The following BRWD3 variants were observed in gnomAD, a reference collection of about 807,000 sequenced individuals.
BRWD3 encodes bromodomain and WD repeat-containing protein 3.
A neutral mutation model predicts 149.7 loss-of-function variants in BRWD3; 10 were observed. The ratio of observed to expected loss-of-function variants is 0.07; its 90% CI spans 0.04 to 0.11. BRWD3 has a LOEUF of 0.11. Among genes scored for constraint, BRWD3 ranks in the 10% least tolerant of loss-of-function variants. The pLI is 1.00. For synonymous variants in BRWD3, 504 were observed against 456.7 expected (o/e 1.10, Z -1.32); for missense variants, 940 against 1,373.2 (o/e 0.68, Z 4.99).
chrX:80,722,140 G>A (rs758121711), intron 17 of BRWD3, among the ~76,000 whole-genome samples: 2 of 111,981 alleles, frequency 1.8e-5, no homozygotes, highest in Non-Finnish European at 3.8e-5. Flanking sequence ...GAGCCACCGC[G>A]CCTGGCCAGT....
intron 6 of BRWD3, among the ~76,000 whole-genome samples, chrX:80,752,879 G>A (rs2073687269): frequency 9.0e-6 from 1 of 111,473 alleles, no homozygotes; most frequent in African/African-American, 3.3e-5. Flanking sequence ...TGGCCAGGCT[G>A]GTCTCAAACT....
In BRWD3 at chrX:80,725,147, T is replaced by C. The variant is rs2073199196; in HGVS notation, c.1387-80A>G. 4.0e-6 allele frequency: 4 copies of C among 988,845 alleles called. No individual in the cohort carries two copies. The South Asian group carries it at 5.9e-5, about 15-fold the overall frequency. The allele number at this position is 988,845 out of a possible 1,213,427, so 81.5% of individuals were successfully genotyped here. ...TGGTAAAAAGGTCTTCAGTGTGCTA[T>C]CAGTTAGGTTCAAATGAATTTATGC... On this transcript the variant is annotated intron_variant, in intron 14 of 40. Transcript: ENST00000373275.
chrX:80,746,454 A>C (rs968688200), intron 6 of BRWD3, among the ~76,000 whole-genome samples: 3 of 110,584 alleles, frequency 2.7e-5, no homozygotes, highest in African/African-American at 9.9e-5. Flanking sequence ...ATAACATAGC[A>C]TAAGTCTACA....
In BRWD3 at chrX:80,716,224, T is replaced by G. The variant is rs763096478; in HGVS notation, c.2258A>C (p.Lys753Thr). 1 of 1,209,717 alleles carries G rather than the reference T, an allele frequency of 8.3e-7. No individual in the cohort carries two copies. Among genetic ancestry groups the G allele is most frequent in the Non-Finnish European group, 1.1e-6 (1 of 893,916 alleles). Residue 753 changes from lysine to threonine, a missense_variant, in exon 20 of 41, where the codon AAA (lysine) becomes ACA (threonine). By Grantham distance (78) the Lys-to-Thr change is moderately conservative. This residue lies in a region of BRWD3 where 103 missense variants were observed against 103.2 expected (regional missense o/e 1.00). Coordinates refer to ENST00000373275, the MANE Select transcript of BRWD3 (RefSeq NM_153252.5). ...ATAAAGACTGATTTCTATGTCACCT[T>G]TTGCAGTTCGACATTCTTCCTGTAC... ...SRVQEECRTA[K>T]GDIEISLYTV...
intron 8 of BRWD3, among the ~76,000 whole-genome samples, chrX:80,741,418 T>C (rs1036105039): frequency 9.0e-6 from 1 of 111,506 alleles, no homozygotes; most frequent in Non-Finnish European, 1.9e-5. Context: ...CCTTTGGGTA[T>C]ATACCCAGTA....
chrX:80,809,536 G>A lies in BRWD3; in HGVS notation c.-65C>T. On this transcript the variant is annotated 5_prime_UTR_variant, in exon 1 of 41. Coordinates refer to ENST00000373275, the MANE Select transcript of BRWD3 (RefSeq NM_153252.5). The stretch of plus-strand genomic sequence containing the variant: ...GCTGGCGGGGGCGGGTGGGGGCGCT[G>A]CCTCTATTGTGGTGAAGCCCCCATG... 3 of 699,427 alleles carry A rather than the reference G, an allele frequency of 4.3e-6. No homozygotes were observed. Among genetic ancestry groups the A allele is most frequent in the Non-Finnish European group, 6.4e-6 (3 of 466,543 alleles). The allele number at this position is 699,427 out of a possible 1,213,427, so 57.6% of individuals were successfully genotyped here.
chrX:80,756,008 T>G (rs1163096043), intron 6 of BRWD3, among the ~76,000 whole-genome samples: 4 of 111,856 alleles, frequency 3.6e-5, no homozygotes, highest in African/African-American at 1.3e-4. Flanking sequence ...AAAATACATT[T>G]TTATCTTAAA....
chrX:80,720,029 A>T (rs1036975741), intron 17 of BRWD3, among the ~76,000 whole-genome samples: 2 of 112,053 alleles, frequency 1.8e-5, no homozygotes, highest in African/African-American at 6.5e-5. Flanking sequence ...TGCAGTACTC[A>T]CGTTTGTGGT....
chrX:80,752,009 A>ATTATTT (rs1328431967), intron 6 of BRWD3, among the ~76,000 whole-genome samples: 17 of 101,658 alleles, frequency 1.7e-4, no homozygotes, highest in African/African-American at 5.7e-4. Context: ...TATTATTATT[A>ATTATTT]TTATTATTAT....
chrX:80,789,110 C>CT (rs767611442), intron 6 of BRWD3, among the ~76,000 whole-genome samples: 1 of 112,061 alleles, frequency 8.9e-6, no homozygotes, highest in Non-Finnish European at 1.9e-5. Context: ...GGCTAATACT[C>CT]TATCTTTGGA....
intron 8 of BRWD3, among the ~76,000 whole-genome samples, chrX:80,740,623 C>G (rs925393454): frequency 2.7e-5 from 3 of 111,650 alleles, no homozygotes. Flanking sequence ...GTGGCGCATG[C>G]CGGTAGTACC....
At chrX:80,694,044 G>C (rs1217790722) in intron 27 of BRWD3, among the ~76,000 whole-genome samples, 1 of 110,969 alleles carries the variant, frequency 9.0e-6, no homozygotes, top group Non-Finnish European at 1.9e-5. Context: ...GGCCTAGAAG[G>C]AAAAAATGGT....
At chrX:80,756,472 A>G (rs1398237400) in intron 6 of BRWD3, among the ~76,000 whole-genome samples, 1 of 84,159 alleles carries the variant, frequency 1.2e-5, no homozygotes, top group African/African-American at 4.5e-5. Flanking sequence ...ATTGTACGCC[A>G]GCCTGGGCAA....
At chrX:80,680,234 T>C (rs2072425683) in intron 40 of BRWD3, among the ~76,000 whole-genome samples, 1 of 111,744 alleles carries the variant, frequency 8.9e-6, no homozygotes, top group Non-Finnish European at 1.9e-5. Context: ...ACATTCAAGG[T>C]CCCTAATATA....
intron 39 of BRWD3, 141 bp downstream of exon 39, chrX:80,681,856 A>G: frequency 1.8e-6 from 1 of 552,592 alleles, no homozygotes; most frequent in Non-Finnish European, 3.1e-6. Flanking sequence ...CAAAACTAGC[A>G]AGTAGAATTG....
At chrX:80,789,779 T>C (rs1300318645) in intron 6 of BRWD3, among the ~76,000 whole-genome samples, 1 of 111,120 alleles carries the variant, frequency 9.0e-6, no homozygotes, top group African/African-American at 3.3e-5. Flanking sequence ...TTTTCCCCAT[T>C]TTTAAAAAGC....
At chrX:80,792,911 C>T (rs2074196352) in intron 5 of BRWD3, among the ~76,000 whole-genome samples, 1 of 110,082 alleles carries the variant, frequency 9.1e-6, no homozygotes, top group African/African-American at 3.3e-5. Context: ...CGCCTGTAAT[C>T]CCAGCACTTT....
At position 80,682,001 on chromosome X, in the gene BRWD3, A is replaced by T; in HGVS notation, c.4491T>A (p.Ser1497=). 2.5e-6 allele frequency: 3 copies of T among 1,197,713 alleles called. No homozygotes were observed. Among genetic ancestry groups the T allele is most frequent in the Non-Finnish European group, 2.3e-6 (2 of 882,968 alleles). Residue 1497 remains serine (S), a synonymous_variant, in exon 39 of 41, where the codon TCT becomes TCA. Transcript: ENST00000373275. ...SHARTSSPFS[S]PVSDAAEGLS... ...AAAAACAAAAGACATATTTACCAGGAGATGAGAAAGGAGAGCTAGTCCTGG... is the reference window on the plus strand; with the variant it reads ...AAAAACAAAAGACATATTTACCAGGTGATGAGAAAGGAGAGCTAGTCCTGG...
chrX:80,745,476 G>T, intron 7 of BRWD3, 93 bp downstream of exon 7: 2 of 877,589 alleles, frequency 2.3e-6, no homozygotes, highest in South Asian at 2.5e-5. Flanking sequence ...CAAAAAAAGT[G>T]AACTGCTTAC....
Sources: gnomAD v4.1 joint callset for allele counts (sites outside exome capture counted in the v4.1 genomes callset) on GRCh38, gnomAD v4.1.1 for gene constraint, gnomAD v4.1.1 regional missense constraint, MANE v1.5 for transcripts, NCBI Gene and HGNC (gene_info 2026-07-23, HGNC 2026-07-21) for gene names.